HMGCLL1: variants seen among roughly 807,000 people sequenced by gnomAD.
HMGCLL1 encodes the protein 3-hydroxy-3-methylglutaryl-CoA lyase like 1, also known as 3-hydroxymethyl-3-methylglutaryl-CoA lyase, cytoplasmic.
A neutral mutation model predicts 39.1 loss-of-function variants in HMGCLL1; 36 were observed. The observed-to-expected ratio is 0.92, with a 90% CI of 0.71 to 1.22. The LOEUF is 1.22. HMGCLL1 is among the 50% of genes most tolerant of loss of function. HMGCLL1 has a pLI of 0.00. For missense variants in HMGCLL1, 451 were observed against 416.5 expected (o/e 1.08, Z -0.72); for synonymous variants, 149 against 144.0 (o/e 1.03, Z -0.25).
At chr6:55,581,957 A>G (rs1771993346), upstream of HMGCLL1, among the ~76,000 whole-genome samples, 1 of 152,168 alleles carries the variant, frequency 6.6e-6, no homozygotes, top group Non-Finnish European at 1.5e-5. Context: ...CTCCTGAATT[A>G]TTCTTGACTT....
intron 3 of HMGCLL1, among the ~76,000 whole-genome samples, chr6:55,532,683 C>A (rs1206904375): frequency 6.6e-6 from 1 of 151,726 alleles, no homozygotes; most frequent in African/African-American, 2.4e-5. Context: ...CACCTGTAAT[C>A]CCAGCTACTT....
At chr6:55,552,632 A>AT (rs1371342874) in intron 1 of HMGCLL1, among the ~76,000 whole-genome samples, 2 of 151,942 alleles carry the variant, frequency 1.3e-5, no homozygotes, top group African/African-American at 4.9e-5. Context: ...ACAGAAAATT[A>AT]TTTTTTGTTT....
intron 3 of HMGCLL1, among the ~76,000 whole-genome samples, chr6:55,520,325 A>T (rs574376577): frequency 6.6e-6 from 1 of 151,920 alleles, no homozygotes; most frequent in Admixed American, 6.6e-5. Flanking sequence ...AAGTTCCCAG[A>T]TCATGAAAAC....
At chr6:55,651,305 G>C in the HMGCLL1 span, among the ~76,000 whole-genome samples, 1 of 152,070 alleles carries the variant, frequency 6.6e-6, no homozygotes, top group Non-Finnish European at 1.5e-5. Context: ...AGCTCCAGTA[G>C]TGGTGGCCAC....
At chr6:55,616,920 T>G in the HMGCLL1 span, among the ~76,000 whole-genome samples, 2 of 151,972 alleles carry the variant, frequency 1.3e-5, no homozygotes, top group Admixed American at 1.3e-4. Flanking sequence ...TATTGGAAAT[T>G]TAAAATGTGA....
chr6:55,622,172 TAG>T, the HMGCLL1 span, among the ~76,000 whole-genome samples: 7 of 152,222 alleles, frequency 4.6e-5, 1 homozygote, highest in Non-Finnish European at 8.8e-5. Context: ...ATGTTTTTGG[TAG>T]AGTCATTGTT....
chr6:55,592,776 T>C, the HMGCLL1 span, among the ~76,000 whole-genome samples: 1 of 152,046 alleles, frequency 6.6e-6, no homozygotes, highest in Non-Finnish European at 1.5e-5. Flanking sequence ...TGGACACTAA[T>C]TCATGAGAAG....
At chr6:55,564,323 T>C (rs1771107961) in intron 1 of HMGCLL1, among the ~76,000 whole-genome samples, 1 of 152,152 alleles carries the variant, frequency 6.6e-6, no homozygotes, top group Non-Finnish European at 1.5e-5. Context: ...AACTCATATC[T>C]TAGTAACCAA....
the HMGCLL1 span, among the ~76,000 whole-genome samples, chr6:55,592,721 T>C: frequency 2.0e-5 from 3 of 152,196 alleles, no homozygotes; most frequent in Middle Eastern, 3.4e-3. Context: ...GAACAAGTAC[T>C]AACGTCTGCT....
At chr6:55,523,248 G>A (rs1026406260) in intron 3 of HMGCLL1, among the ~76,000 whole-genome samples, 1 of 151,900 alleles carries the variant, frequency 6.6e-6, no homozygotes, top group African/African-American at 2.4e-5. Context: ...AGTGTACTAG[G>A]TAAGAAGCTA....
chr6:55,468,295 C>T (rs890281768), intron 7 of HMGCLL1, among the ~76,000 whole-genome samples: 7 of 151,940 alleles, frequency 4.6e-5, no homozygotes, highest in Admixed American at 3.3e-4. Context: ...AATACAAACA[C>T]GTCCCATCAT....
At chr6:55,447,171 T>G (rs1763890373) in intron 7 of HMGCLL1, among the ~76,000 whole-genome samples, 2 of 151,958 alleles carry the variant, frequency 1.3e-5, no homozygotes, top group Admixed American at 1.3e-4. Flanking sequence ...AGCCCAGATG[T>G]TTGCTTCTCA....
At chr6:55,446,056 C>T (rs965127354) in intron 7 of HMGCLL1, among the ~76,000 whole-genome samples, 3 of 151,794 alleles carry the variant, frequency 2.0e-5, no homozygotes, top group African/African-American at 7.2e-5. Context: ...TTATTAAGCA[C>T]ACTCTTTGTG....
At chr6:55,529,270 A>G (rs1418880528) in intron 3 of HMGCLL1, among the ~76,000 whole-genome samples, 1 of 152,142 alleles carries the variant, frequency 6.6e-6, no homozygotes, top group Non-Finnish European at 1.5e-5. Context: ...GTTTGATAAT[A>G]ACACTGTCAA....
the HMGCLL1 span, among the ~76,000 whole-genome samples, chr6:55,602,155 A>C: frequency 2.0e-5 from 3 of 152,144 alleles, no homozygotes; most frequent in Non-Finnish European, 4.4e-5. Context: ...CAAATAATCT[A>C]ATCAGCAGAA....
intron 7 of HMGCLL1, among the ~76,000 whole-genome samples, chr6:55,443,677 CAA>C (rs10715144): frequency 1.2e-3 from 172 of 146,078 alleles, no homozygotes; most frequent in African/African-American, 3.5e-3. Context: ...CCAGTGAAGC[CAA>C]AAAAAAAAAA....
intron 1 of HMGCLL1, among the ~76,000 whole-genome samples, chr6:55,569,341 C>T (rs945826047): frequency 2.0e-5 from 3 of 152,142 alleles, no homozygotes; most frequent in Non-Finnish European, 4.4e-5. Context: ...CCATCCAACA[C>T]AGTGTTTACT....
intron 1 of HMGCLL1, among the ~76,000 whole-genome samples, chr6:55,542,863 A>T (rs867015561): frequency 1.5e-5 from 2 of 136,530 alleles, no homozygotes; most frequent in African/African-American, 2.7e-5. Flanking sequence ...ATATATATTT[A>T]TATATTTTTA....
intron 1 of HMGCLL1, chr6:55,566,482 A>C (rs1009866302): frequency 2.8e-6 from 1 of 351,936 alleles, no homozygotes; most frequent in Non-Finnish European, 5.8e-6. Flanking sequence ...TATAAGTGTA[A>C]GGTGACATTT....
Sources: gnomAD v4.1 joint callset for allele counts (sites outside exome capture counted in the v4.1 genomes callset) on GRCh38, gnomAD v4.1.1 for gene constraint, MANE v1.5 for transcripts, NCBI Gene and HGNC (gene_info 2026-07-23, HGNC 2026-07-21) for gene names.